The following KCNJ6 variants were observed in gnomAD, a reference collection of about 807,000 sequenced individuals.
KCNJ6 encodes G protein-activated inward rectifier potassium channel 2.
KCNJ6 carries 9 observed loss-of-function variants against 34.2 expected under a neutral mutation model. That is an observed-to-expected ratio of 0.26 (90% CI 0.16 to 0.46). The LOEUF (loss-of-function observed/expected upper bound fraction) is 0.46. Ranked by LOEUF, KCNJ6 falls within the 20% of genes least tolerant of loss-of-function variation. KCNJ6 has a pLI of 1.00. For synonymous variants in KCNJ6, 196 were observed against 207.1 expected, an observed-to-expected ratio of 0.95 and a Z score of 0.46; for missense variants, 236 against 531.3, an observed-to-expected ratio of 0.44 and a Z score of 5.46.
intron 2 of KCNJ6, among the ~76,000 whole-genome samples, chr21:37,750,321 C>A (rs930085208): frequency 2.0e-5 from 3 of 152,136 alleles, no homozygotes; most frequent in South Asian, 4.1e-4. Flanking sequence ...GACAGTGTGG[C>A]GATTCCTCAA....
intron 1 of KCNJ6, among the ~76,000 whole-genome samples, chr21:37,877,205 T>C (rs2055683188): frequency 6.6e-6 from 1 of 152,090 alleles, no homozygotes; most frequent in Non-Finnish European, 1.5e-5. Flanking sequence ...ATCACAGTGA[T>C]AAAATAAAAA....
chr21:37,793,036 C>G (rs986496077), intron 2 of KCNJ6, among the ~76,000 whole-genome samples: 1 of 152,154 alleles, frequency 6.6e-6, no homozygotes, highest in Non-Finnish European at 1.5e-5. Flanking sequence ...GGCTTGTCAA[C>G]TCCATGTTGA....
intron 3 of KCNJ6, among the ~76,000 whole-genome samples, chr21:37,638,430 A>T (rs1306450363): frequency 2.6e-5 from 4 of 152,172 alleles, no homozygotes; most frequent in Non-Finnish European, 5.9e-5. Flanking sequence ...TACAGGTGTG[A>T]GCCACCGCTC....
chr21:37,778,569 A>T (rs2055153657), intron 2 of KCNJ6, among the ~76,000 whole-genome samples: 1 of 152,160 alleles, frequency 6.6e-6, no homozygotes, highest in South Asian at 2.1e-4. Flanking sequence ...TTTTGAATTG[A>T]CATCAGATAA....
At chr21:37,626,455 TAAG>T (rs2054311607) in intron 3 of KCNJ6, among the ~76,000 whole-genome samples, 6 of 152,280 alleles carry the variant, frequency 3.9e-5, no homozygotes, top group South Asian at 4.2e-4. Context: ...TTCTTAAAGA[TAAG>T]AAGCCTTTTT....
In KCNJ6 at chr21:37,615,244, CTTTTTTTTTT is replaced by C. The variant is rs1156939747; in HGVS notation, c.*9905_*9914del. The C allele has an allele frequency of 1.2e-3, 120 of 98,878 alleles. No individual in the cohort carries two copies. The highest frequency in any genetic ancestry group is 0.011 in the Middle Eastern group (2 of 182). The allele number at this position is 98,878 out of a possible 1,614,324, so 6.1% of individuals were successfully genotyped here. ...ACCCTCGACTGACATTCCCAGCATT[CTTTTTTTTTT>C]TTTTTTTTTTTTTTTTGAGACGGAG... On this transcript the variant is annotated 3_prime_UTR_variant, in exon 4 of 4. Transcript: ENST00000609713.
At chr21:37,822,601 G>T (rs994343434) in intron 2 of KCNJ6, among the ~76,000 whole-genome samples, 3 of 152,212 alleles carry the variant, frequency 2.0e-5, no homozygotes, top group Non-Finnish European at 4.4e-5. Flanking sequence ...TTGTTGAGAG[G>T]ATGCTTTATA....
chr21:37,910,763 G>A (rs539712232), intron 1 of KCNJ6, among the ~76,000 whole-genome samples: 3 of 152,316 alleles, frequency 2.0e-5, no homozygotes, highest in East Asian at 3.9e-4. Flanking sequence ...ATCTGACTTG[G>A]ATACATTTGT....
intron 1 of KCNJ6, among the ~76,000 whole-genome samples, chr21:37,896,083 A>G (rs1568888296): frequency 1.3e-5 from 2 of 152,148 alleles, no homozygotes; most frequent in East Asian, 3.9e-4. Context: ...ACTTACAATC[A>G]TGTCGGAAGG....
intron 3 of KCNJ6, among the ~76,000 whole-genome samples, chr21:37,671,273 A>G (rs1324518572): frequency 6.6e-6 from 1 of 152,214 alleles, no homozygotes; most frequent in Non-Finnish European, 1.5e-5. Context: ...CAATGATATC[A>G]TTACTCATGC....
At chr21:37,881,880 G>C (rs1433610792) in intron 1 of KCNJ6, among the ~76,000 whole-genome samples, 3 of 152,176 alleles carry the variant, frequency 2.0e-5, no homozygotes, top group Non-Finnish European at 4.4e-5. Flanking sequence ...GCTGGGTCCT[G>C]ACAGTTGCCT....
At chr21:37,625,590 A>G in intron 3 of KCNJ6, 106 bp from the exon 4 acceptor site, 1 of 732,856 alleles carries the variant, frequency 1.4e-6, no homozygotes, top group Non-Finnish European at 2.3e-6. Context: ...GTTGAGACTG[A>G]CCTGCATACG....
chr21:37,827,490 T>C (rs1160964731), intron 2 of KCNJ6, among the ~76,000 whole-genome samples: 1 of 151,838 alleles, frequency 6.6e-6, no homozygotes, highest in Non-Finnish European at 1.5e-5. Flanking sequence ...CTAATGGAAA[T>C]TTATAAAATC....
At chr21:37,768,457 G>T (rs2055101725) in intron 2 of KCNJ6, among the ~76,000 whole-genome samples, 1 of 152,118 alleles carries the variant, frequency 6.6e-6, no homozygotes, top group Non-Finnish European at 1.5e-5. Flanking sequence ...GGAAAAAGTA[G>T]GGAAGAAGAA....
chr21:37,642,426 C>T (rs1057481211), intron 3 of KCNJ6, among the ~76,000 whole-genome samples: 8 of 152,102 alleles, frequency 5.3e-5, no homozygotes, highest in South Asian at 2.1e-4. Context: ...AAGTGGTTAA[C>T]GCTGTCAGAA....
intron 3 of KCNJ6, among the ~76,000 whole-genome samples, chr21:37,667,385 G>A (rs1423890452): frequency 6.6e-6 from 1 of 152,092 alleles, no homozygotes; most frequent in Non-Finnish European, 1.5e-5. Flanking sequence ...AGCCCATCCT[G>A]TCTGGACCAG....
At position 37,661,372 on chromosome 21, in the gene KCNJ6, G is replaced by A. The variant is rs868865377; in HGVS notation, c.947-35888C>T. Among the ~76,000 whole-genome samples, 14 of 152,254 alleles carry A rather than the reference G, an allele frequency of 9.2e-5. 1 individual carries two copies. Among genetic ancestry groups the A allele is most frequent in the Middle Eastern group, 6.8e-3 (2 of 294 alleles). On this transcript the variant is annotated intron_variant, in intron 3 of 3. Transcript: ENST00000609713. ...ATAACTTTCCATGATTAATCAGCAC[G>A]TGATTTTTAATAACAAATGACTCCA... is the stretch of plus-strand genomic sequence containing the variant.
chr21:37,783,805 G>A (rs1372258608), intron 2 of KCNJ6, among the ~76,000 whole-genome samples: 1 of 152,180 alleles, frequency 6.6e-6, no homozygotes, highest in Non-Finnish European at 1.5e-5. Flanking sequence ...ATAGAGTGGG[G>A]TCCTGAGCTT....
rs2054288570 is a variant in KCNJ6, at chr21:37,621,123, A to G, written c.*4036T>C. On this transcript the variant is annotated 3_prime_UTR_variant, in exon 4 of 4. Coordinates refer to ENST00000609713, the MANE Select transcript of KCNJ6 (RefSeq NM_002240.5). ...TCCATTGAAAGGAAATCATCCTTGA[A>G]GATAATGTTTACAATATATAGAGGA... 6.6e-6 allele frequency: 1 copy of G among 152,244 alleles called. No homozygotes were observed. The highest frequency in any genetic ancestry group is 2.4e-5 in the African/African-American group (1 of 41,468). The allele number at this position is 152,244 out of a possible 1,614,324, so 9.4% of individuals were successfully genotyped here.
Sources: allele counts gnomAD v4.1 joint callset (sites outside exome capture counted in the v4.1 genomes callset), GRCh38; gene constraint gnomAD v4.1.1; transcripts MANE v1.5; gene names NCBI Gene and HGNC (gene_info 2026-07-23, HGNC 2026-07-21).